SIK3: variants seen among roughly 807,000 people sequenced by gnomAD.
SIK3 encodes SIK family kinase 3.
In SIK3, 28 loss-of-function variants were observed where a neutral mutation model predicts 144.2. That is an observed-to-expected ratio of 0.19 (90% confidence interval 0.14 to 0.27). The LOEUF (loss-of-function observed/expected upper bound fraction) is 0.27, where lower values mean the gene tolerates loss of function less well. SIK3 is among the 10% of genes least tolerant of loss of function. The pLI is 1.00. For missense variants in SIK3, 1,319 were observed against 1,776.0 expected, an observed-to-expected ratio of 0.74 and a Z score of 4.62; for synonymous variants, 686 against 676.3, an observed-to-expected ratio of 1.01 and a Z score of -0.22.
At chr11:117,075,983 G>C (rs1256962410) in intron 1 of SIK3, among the ~76,000 whole-genome samples, 2 of 151,542 alleles carry the variant, frequency 1.3e-5, no homozygotes, top group Non-Finnish European at 2.9e-5. Context: ...CTAGTAGCTG[G>C]GATTACAGGC....
chr11:116,980,632 C>T (rs1484757709), intron 1 of SIK3, among the ~76,000 whole-genome samples: 1 of 152,144 alleles, frequency 6.6e-6, no homozygotes, highest in Non-Finnish European at 1.5e-5. Context: ...GTGGGCAGAT[C>T]ACTTGAGCTC....
At chr11:116,977,847 A>C (rs955141365) in intron 1 of SIK3, among the ~76,000 whole-genome samples, 1 of 152,196 alleles carries the variant, frequency 6.6e-6, no homozygotes, top group African/African-American at 2.4e-5. Flanking sequence ...GGTTGACATA[A>C]AGAAATTCAG....
At chr11:116,942,313 A>T (rs1948353112) in intron 3 of SIK3, among the ~76,000 whole-genome samples, 2 of 152,218 alleles carry the variant, frequency 1.3e-5, no homozygotes, top group Admixed American at 1.3e-4. Flanking sequence ...CAATCCAGTG[A>T]TGTTCTTTCA....
chr11:117,004,750 A>C (rs552164047), intron 1 of SIK3, among the ~76,000 whole-genome samples: 5 of 152,200 alleles, frequency 3.3e-5, no homozygotes, highest in African/African-American at 1.2e-4. Flanking sequence ...ACTCCAACCA[A>C]CTCTTGTAAG....
At chr11:116,868,544 C>G (rs1336817159) in intron 14 of SIK3, among the ~76,000 whole-genome samples, 1 of 152,182 alleles carries the variant, frequency 6.6e-6, no homozygotes, top group Non-Finnish European at 1.5e-5. Flanking sequence ...TCACAGGCCC[C>G]AGGTTTGAGA....
intron 1 of SIK3, among the ~76,000 whole-genome samples, chr11:117,066,789 C>T (rs1954043451): frequency 1.3e-5 from 2 of 152,158 alleles, no homozygotes; most frequent in Non-Finnish European, 2.9e-5. Flanking sequence ...CCACTTTGGC[C>T]TCCCAAAGTG....
intron 1 of SIK3, among the ~76,000 whole-genome samples, chr11:117,078,323 G>C (rs1473402692): frequency 6.6e-6 from 1 of 151,830 alleles, no homozygotes; most frequent in Non-Finnish European, 1.5e-5. Flanking sequence ...CACATCCAAT[G>C]AATCAGTCAA....
intron 10 of SIK3, 48 bp downstream of exon 10, chr11:116,875,326 G>A (rs773247106): frequency 7.4e-6 from 12 of 1,612,760 alleles, no homozygotes; most frequent in African/African-American, 2.7e-5. Context: ...GCAAGGATAT[G>A]GCAAAGAAAG....
Position 116,896,325 on chromosome 11 carries a change from C to T in SIK3, c.793G>A (p.Gly265Arg). Reference sequence around the variant, plus strand: ...GCCCGCAGATTCTGCAGTGTGCTTCCATCAAATGGCAGGGCACCGCACACA... The same window carrying T: ...GCCCGCAGATTCTGCAGTGTGCTTCTATCAAATGGCAGGGCACCGCACACA... ...VLVCGALPFD[G>R]STLQNLRARV... The change falls in exon 6 of 25, where the codon GGA becomes AGA. Residue 265 changes from glycine to arginine, a missense_variant. Gly to Arg is a moderately radical substitution (Grantham distance 125). Coordinates refer to ENST00000445177, the MANE Select transcript of SIK3 (RefSeq NM_001366686.3). The T allele has an allele frequency of 6.2e-7, 1 of 1,614,032 alleles. No individual in the cohort carries two copies. Among genetic ancestry groups the T allele is most frequent in the Non-Finnish European group, 8.5e-7 (1 of 1,179,956 alleles).
At chr11:116,855,491 T>C (rs1214526709) in intron 21 of SIK3, 1 of 152,202 alleles carries the variant, frequency 6.6e-6, no homozygotes, top group East Asian at 1.9e-4. Flanking sequence ...AATGGGGAAT[T>C]ATGCTCTCCA....
intron 1 of SIK3, among the ~76,000 whole-genome samples, chr11:117,066,222 C>T (rs1325497832): frequency 6.6e-6 from 1 of 151,894 alleles, no homozygotes; most frequent in African/African-American, 2.4e-5. Context: ...GCACACGCCA[C>T]CATGTCTGGC....
In SIK3 at chr11:116,858,621, C is replaced by A; in HGVS notation, c.2844G>T (p.Arg948=). ...AAGGGCTGTAGCTGCTGGGGGAACC[C>A]CGGGACTGGTCCGAAAACAGATGGG... ...LHPHLFSDQS[R]GSPSSYSPST... is the part of the protein sequence containing the mutation. The change falls in exon 21 of 25, where the codon CGG becomes CGT. Residue 948 remains arginine, a synonymous_variant. Transcript: ENST00000445177. This position sits in a 1 kb window ranked among gnomAD's most constrained non-coding sequence, Gnocchi z 5.4. 1 of 1,607,386 alleles carries A rather than the reference C, an allele frequency of 6.2e-7. No homozygotes were observed.
At chr11:116,949,164 T>C (rs1291482001) in intron 3 of SIK3, among the ~76,000 whole-genome samples, 2 of 152,152 alleles carry the variant, frequency 1.3e-5, no homozygotes, top group African/African-American at 4.8e-5. Context: ...CTCGTATCAA[T>C]AACCTAAGGA....
In SIK3 at chr11:116,846,299, A is replaced by G; in HGVS notation, c.*13+84T>C. Reference sequence around the variant, plus strand: ...ACTGTCGACTGCACTGGCCACCACAACACATGGGCTGAAGCTCCTGATGGG... The same window carrying G: ...ACTGTCGACTGCACTGGCCACCACAGCACATGGGCTGAAGCTCCTGATGGG... On this transcript the variant is annotated intron_variant, in intron 24 of 24. Transcript: ENST00000445177. The surrounding 1 kb of genome is among the most constrained non-coding windows in gnomAD (Gnocchi z 4.1). 20 of 1,447,060 alleles carry G rather than the reference A, an allele frequency of 1.4e-5. No homozygotes were observed. The highest frequency in any genetic ancestry group is 1.7e-5 in the Non-Finnish European group (18 of 1,052,278). The allele number at this position is 1,447,060 out of a possible 1,614,324, so 89.6% of individuals were successfully genotyped here.
chr11:116,896,841 C>T (rs1476787420), intron 5 of SIK3, among the ~76,000 whole-genome samples: 1 of 152,090 alleles, frequency 6.6e-6, no homozygotes, highest in Non-Finnish European at 1.5e-5. Context: ...GCCTGGCCAA[C>T]ATGGTGAAAC....
chr11:116,922,907 C>CT (rs202058609), intron 4 of SIK3, among the ~76,000 whole-genome samples: 1,794 of 102,146 alleles, frequency 0.018, 112 homozygotes, highest in Non-Finnish European at 0.021. Flanking sequence ...TTTCTTTTCT[C>CT]TTTTTTTTTT....
At chr11:117,098,059 G>C in intron 1 of SIK3, 84 bp downstream of exon 1, 1 of 1,177,616 alleles carries the variant, frequency 8.5e-7, no homozygotes, top group Admixed American at 4.7e-5. Flanking sequence ...CGCCGCGCTC[G>C]CCGCCCCGAC....
chr11:116,866,767 A>G (rs550604071), intron 15 of SIK3, among the ~76,000 whole-genome samples: 1 of 152,248 alleles, frequency 6.6e-6, no homozygotes, highest in Non-Finnish European at 1.5e-5. Flanking sequence ...GTGTACGAAC[A>G]CTGTAAGTCC....
At chr11:116,853,175 G>A (rs1301265372) in intron 21 of SIK3, among the ~76,000 whole-genome samples, 1 of 152,162 alleles carries the variant, frequency 6.6e-6, no homozygotes, top group Non-Finnish European at 1.5e-5. Context: ...TTAATCAACT[G>A]TAAAAGACCA....
Sources: allele counts gnomAD v4.1 joint callset (sites outside exome capture counted in the v4.1 genomes callset), GRCh38; gene constraint gnomAD v4.1.1; non-coding constraint Gnocchi (gnomAD v3.1); transcripts MANE v1.5; gene names NCBI Gene and HGNC (gene_info 2026-07-23, HGNC 2026-07-21).